The following EPHA6 variants were observed in gnomAD, a reference collection of about 807,000 sequenced individuals.
The protein encoded by EPHA6 is ephrin type-A receptor 6.
Under a neutral mutation model 112.0 loss-of-function variants are expected in EPHA6, and 50 were observed. The observed-to-expected ratio is 0.45, with a 90% CI of 0.36 to 0.56. The LOEUF is 0.56. EPHA6 is among the 20% of genes least tolerant of loss of function. The pLI, the probability that EPHA6 is intolerant of heterozygous loss-of-function variation, is 0.00. For synonymous variants in EPHA6, 529 were observed against 490.7 expected (o/e 1.08, Z -1.03); for missense variants, 1,280 against 1,417.4 (o/e 0.90, Z 1.56).
chr3:97,695,177 T>G (rs2032950686), intron 14 of EPHA6, among the ~76,000 whole-genome samples: 1 of 152,216 alleles, frequency 6.6e-6, no homozygotes, highest in African/African-American at 2.4e-5. Context: ...GAATATCTGA[T>G]TTTGTATTAC....
intron 5 of EPHA6, among the ~76,000 whole-genome samples, chr3:97,328,960 T>C (rs2082627182): frequency 6.6e-6 from 1 of 152,002 alleles, no homozygotes; most frequent in South Asian, 2.1e-4. Context: ...ATGCTATCCC[T>C]CCCCTCTCCC....
At chr3:96,982,955 T>C (rs552562887) in intron 2 of EPHA6, among the ~76,000 whole-genome samples, 3 of 152,304 alleles carry the variant, frequency 2.0e-5, no homozygotes, top group East Asian at 3.9e-4. Flanking sequence ...TGTCTCTGCA[T>C]ATGTGATGGG....
chr3:97,678,403 G>C (rs1306879170), intron 14 of EPHA6, among the ~76,000 whole-genome samples: 2 of 152,238 alleles, frequency 1.3e-5, no homozygotes, highest in South Asian at 4.1e-4. Flanking sequence ...CAGTTTTGAA[G>C]ACTACAAAGT....
At chr3:97,255,494 G>A (rs966332579) in intron 5 of EPHA6, among the ~76,000 whole-genome samples, 1 of 152,034 alleles carries the variant, frequency 6.6e-6, no homozygotes, top group Non-Finnish European at 1.5e-5. Flanking sequence ...CCTCAAAATA[G>A]GGAAGTGTTT....
At chr3:97,185,153 G>A (rs1374139792) in intron 3 of EPHA6, among the ~76,000 whole-genome samples, 4 of 152,128 alleles carry the variant, frequency 2.6e-5, no homozygotes, top group Non-Finnish European at 5.9e-5. Flanking sequence ...ACATAGGCAT[G>A]GGCAAGGACT....
chr3:97,183,880 C>G (rs1386809745), intron 3 of EPHA6, among the ~76,000 whole-genome samples: 1 of 152,084 alleles, frequency 6.6e-6, no homozygotes, highest in Non-Finnish European at 1.5e-5. Context: ...CCTTTTACAG[C>G]AGTTCAGCAA....
chr3:97,481,558 C>T (rs572406203), intron 9 of EPHA6: 19 of 660,884 alleles, frequency 2.9e-5, no homozygotes, highest in African/African-American at 1.6e-4. Context: ...CGCCGGGGCG[C>T]GGCGCGTCCG....
At chr3:97,481,535 G>A (rs2091546682) in intron 9 of EPHA6, 64 of 836,548 alleles carry the variant, frequency 7.7e-5, no homozygotes, top group South Asian at 6.5e-4. Context: ...GCAGGCCCGG[G>A]GGTCCCTAGA....
chr3:96,895,454 GA>G (rs1426427668), intron 2 of EPHA6, among the ~76,000 whole-genome samples: 2 of 152,022 alleles, frequency 1.3e-5, no homozygotes, highest in East Asian at 3.9e-4. Flanking sequence ...TATTATTGGA[GA>G]AAGAAAAAAA....
chr3:97,273,865 A>G (rs906674304), intron 5 of EPHA6, among the ~76,000 whole-genome samples: 1 of 152,186 alleles, frequency 6.6e-6, no homozygotes, highest in African/African-American at 2.4e-5. Context: ...CTACCCATCC[A>G]GTGAAATTGT....
intron 5 of EPHA6, among the ~76,000 whole-genome samples, chr3:97,372,829 C>T (rs568921689): frequency 5.9e-5 from 9 of 152,114 alleles, no homozygotes; most frequent in East Asian, 3.9e-4. Flanking sequence ...TGTTAGCAAA[C>T]GTAGCTGGAC....
At chr3:97,350,466 C>G (rs1287727938) in intron 5 of EPHA6, among the ~76,000 whole-genome samples, 1 of 151,774 alleles carries the variant, frequency 6.6e-6, no homozygotes, top group Non-Finnish European at 1.5e-5. Context: ...TATAGTGGTC[C>G]TAAGAAGAAT....
intron 5 of EPHA6, among the ~76,000 whole-genome samples, chr3:97,386,056 A>G (rs141741912): frequency 3.8e-4 from 58 of 152,222 alleles, no homozygotes; most frequent in African/African-American, 1.3e-3. Context: ...CACATTTCAA[A>G]ACACAATCAT....
At chr3:97,480,922 G>A (rs1227601287) in intron 9 of EPHA6, among the ~76,000 whole-genome samples, 2 of 151,778 alleles carry the variant, frequency 1.3e-5, no homozygotes, top group Non-Finnish European at 2.9e-5. Context: ...ACAATGGGCG[G>A]CCGGGCAAAG....
At chr3:97,494,344 T>A (rs2091924817) in intron 10 of EPHA6, among the ~76,000 whole-genome samples, 1 of 152,196 alleles carries the variant, frequency 6.6e-6, no homozygotes, top group Non-Finnish European at 1.5e-5. Context: ...TCGCAGTAAG[T>A]GACACTTTCT....
At chr3:97,073,796 T>C (rs2046431513) in intron 3 of EPHA6, among the ~76,000 whole-genome samples, 1 of 152,076 alleles carries the variant, frequency 6.6e-6, no homozygotes, top group Non-Finnish European at 1.5e-5. Flanking sequence ...AGCGCATTTA[T>C]ATTAAGTGTA....
chr3:97,418,574 A>G (rs756283439), intron 6 of EPHA6, among the ~76,000 whole-genome samples: 10 of 152,164 alleles, frequency 6.6e-5, no homozygotes, highest in Non-Finnish European at 1.3e-4. Context: ...TCAACCCAGA[A>G]TGATATATGC....
In EPHA6 at chr3:97,732,139, T is replaced by C. The variant is rs145197832; in HGVS notation, c.2935-3786T>C. 1.6e-4 allele frequency among the ~76,000 whole-genome samples: 25 copies of C among 151,996 alleles called. 1 individual carries two copies. In the East Asian group the frequency reaches 4.9e-3, roughly 30 times the overall value. On this transcript the variant is annotated intron_variant, in intron 15 of 17. Transcript: ENST00000389672. Reference sequence around the variant, plus strand: ...AAATCTAAGTTTATATCATGCCAAATCATTCGTGATCTCAAGAAACATAAT... The same window carrying C: ...AAATCTAAGTTTATATCATGCCAAACCATTCGTGATCTCAAGAAACATAAT...
chr3:97,109,782 C>G lies in EPHA6; in HGVS notation c.1115-116482C>G, dbSNP rs189043830. ...CAGCAGTAAACAAGATGGACAGAGG[C>G]TCCTGACCTTATGAAGATATGGCCT... On this transcript the variant is annotated intron_variant, in intron 3 of 17. Coordinates refer to ENST00000389672, the MANE Select transcript of EPHA6 (RefSeq NM_001080448.3). Among the ~76,000 whole-genome samples the G allele has an allele frequency of 2.0e-5, 3 of 152,094 alleles. No individual in the cohort carries two copies. In the South Asian group the frequency reaches 6.2e-4, roughly 31 times the overall value.
Sources: allele counts gnomAD v4.1 joint callset (sites outside exome capture counted in the v4.1 genomes callset), GRCh38; gene constraint gnomAD v4.1.1; transcripts MANE v1.5; gene names NCBI Gene and HGNC (gene_info 2026-07-23, HGNC 2026-07-21).